SKAP1: variants seen among roughly 807,000 people sequenced by gnomAD.
The protein encoded by SKAP1 is src kinase associated phosphoprotein 1, also known as src kinase-associated phosphoprotein 1.
Under a neutral mutation model 58.5 loss-of-function variants are expected in SKAP1, and 44 were observed. The ratio of observed to expected loss-of-function variants is 0.75; its 90% CI spans 0.59 to 0.97. The LOEUF (loss-of-function observed/expected upper bound fraction) is 0.97. SKAP1 is among the 50% of genes least tolerant of loss of function. The pLI, the probability that SKAP1 is intolerant of heterozygous loss-of-function variation, is 0.00. For missense variants in SKAP1, 390 were observed against 435.2 expected, an observed-to-expected ratio of 0.90 and a Z score of 0.92; for synonymous variants, 127 against 149.7, an observed-to-expected ratio of 0.85 and a Z score of 1.11.
intron 2 of SKAP1, among the ~76,000 whole-genome samples, chr17:48,366,435 T>C (rs1378831906): frequency 1.5e-5 from 2 of 137,858 alleles, no homozygotes; most frequent in South Asian, 2.2e-4. Flanking sequence ...ACATCTGCAG[T>C]AGCAAAGGGG....
intron 9 of SKAP1, among the ~76,000 whole-genome samples, chr17:48,173,381 G>C (rs567036140): frequency 4.6e-4 from 70 of 152,288 alleles, no homozygotes; most frequent in African/African-American, 1.5e-3. Flanking sequence ...TAAGCTAATG[G>C]AGGAGTGAAA....
chr17:48,288,157 G>T (rs2065855554), intron 4 of SKAP1, among the ~76,000 whole-genome samples: 1 of 152,134 alleles, frequency 6.6e-6, no homozygotes, highest in African/African-American at 2.4e-5. Context: ...TCATGGGAGA[G>T]TTTAAGACAA....
At chr17:48,202,365 G>A (rs1479612785) in intron 4 of SKAP1, among the ~76,000 whole-genome samples, 1 of 152,016 alleles carries the variant, frequency 6.6e-6, no homozygotes, top group African/African-American at 2.4e-5. Flanking sequence ...TTAGCAATGT[G>A]GCTTTGACCT....
chr17:48,397,716 C>G (rs898067510), intron 1 of SKAP1, among the ~76,000 whole-genome samples: 1 of 152,048 alleles, frequency 6.6e-6, no homozygotes, highest in Non-Finnish European at 1.5e-5. Context: ...ATGAAAATGA[C>G]AATACAACCA....
At chr17:48,340,215 G>A (rs1050961204) in intron 4 of SKAP1, among the ~76,000 whole-genome samples, 5 of 152,062 alleles carry the variant, frequency 3.3e-5, no homozygotes, top group East Asian at 1.9e-4. Flanking sequence ...AAAGTCTATC[G>A]AGGGTGCTGT....
chr17:48,356,444 T>C (rs1421807020), intron 3 of SKAP1, among the ~76,000 whole-genome samples: 2 of 152,184 alleles, frequency 1.3e-5, no homozygotes, highest in Non-Finnish European at 2.9e-5. Flanking sequence ...CTTCAAATGT[T>C]ACAGGAAGGC....
chr17:48,144,200 C>G (rs1395767057), intron 11 of SKAP1, among the ~76,000 whole-genome samples: 1 of 152,150 alleles, frequency 6.6e-6, no homozygotes, highest in African/African-American at 2.4e-5. Context: ...ATCAAAGCAC[C>G]TACAGGTCCC....
intron 4 of SKAP1, among the ~76,000 whole-genome samples, chr17:48,271,189 C>T (rs2065627681): frequency 6.6e-6 from 1 of 151,994 alleles, no homozygotes; most frequent in Non-Finnish European, 1.5e-5. Context: ...ATTACATACA[C>T]TTTTTTAGGC....
At chr17:48,222,441 T>C (rs552085691) in intron 4 of SKAP1, among the ~76,000 whole-genome samples, 1 of 152,174 alleles carries the variant, frequency 6.6e-6, no homozygotes, top group South Asian at 2.1e-4. Context: ...AGCTGAAAAA[T>C]GTACATAGCT....
chr17:48,269,628 T>C (rs1028661016), intron 4 of SKAP1, among the ~76,000 whole-genome samples: 5 of 79,700 alleles, frequency 6.3e-5, no homozygotes, highest in African/African-American at 1.0e-4. Flanking sequence ...AAATATGTTC[T>C]GAAGGATAGT....
At chr17:48,240,241 A>G (rs1418345347) in intron 4 of SKAP1, among the ~76,000 whole-genome samples, 2 of 152,152 alleles carry the variant, frequency 1.3e-5, no homozygotes, top group African/African-American at 4.8e-5. Flanking sequence ...GAAAAACAAG[A>G]GCAGCCAGTG....
At chr17:48,439,681 C>T in the SKAP1 span, among the ~76,000 whole-genome samples, 5 of 152,196 alleles carry the variant, frequency 3.3e-5, no homozygotes, top group Non-Finnish European at 7.3e-5. Context: ...CAGCACAATT[C>T]ATGCAGCTAC....
intron 4 of SKAP1, among the ~76,000 whole-genome samples, chr17:48,312,478 G>A (rs1375536412): frequency 6.6e-6 from 1 of 152,162 alleles, no homozygotes; most frequent in Non-Finnish European, 1.5e-5. Flanking sequence ...CTCAGCAAGG[G>A]TTTCTATAAC....
upstream of SKAP1, among the ~76,000 whole-genome samples, chr17:48,433,738 A>C (rs1464073177): frequency 6.6e-6 from 1 of 152,226 alleles, no homozygotes; most frequent in Non-Finnish European, 1.5e-5. Flanking sequence ...CAACATGCAG[A>C]AAACACACCG....
rs139595356 is a variant in SKAP1, at chr17:48,211,672, C to T, written c.281-22172G>A. Among the ~76,000 whole-genome samples the T allele has an allele frequency of 3.4e-3, 519 of 152,286 alleles. 4 individuals carry two copies. Among genetic ancestry groups the T allele is most frequent in the African/African-American group, 0.012 (484 of 41,544 alleles). ...AAGCTCCTGGTAATCTCTCATTTAT[C>T]CATAAATTCATTTATCCAGGCTGAG... On this transcript the variant is annotated intron_variant, in intron 4 of 12. Transcript: ENST00000336915.
chr17:48,266,184 A>G (rs1354104596), intron 4 of SKAP1, among the ~76,000 whole-genome samples: 1 of 152,140 alleles, frequency 6.6e-6, no homozygotes, highest in East Asian at 1.9e-4. Flanking sequence ...AGTCTATTCA[A>G]CTGAAGTATT....
intron 4 of SKAP1, among the ~76,000 whole-genome samples, chr17:48,207,555 C>T (rs938267721): frequency 1.3e-5 from 2 of 150,858 alleles, no homozygotes; most frequent in Admixed American, 6.6e-5. Flanking sequence ...CTTAAGAATA[C>T]TTTAATAATC....
intron 4 of SKAP1, among the ~76,000 whole-genome samples, chr17:48,199,258 T>A (rs2064692022): frequency 6.6e-6 from 1 of 152,228 alleles, no homozygotes; most frequent in Non-Finnish European, 1.5e-5. Context: ...GGTTTTTTAT[T>A]ACCTACAGGA....
intron 4 of SKAP1, among the ~76,000 whole-genome samples, chr17:48,331,537 T>C (rs77330473): frequency 1.5e-3 from 223 of 151,862 alleles, no homozygotes; most frequent in African/African-American, 5.2e-3. Context: ...CCGTCTCTAC[T>C]AAAAATACAA....
Sources: gnomAD v4.1 joint callset for allele counts (sites outside exome capture counted in the v4.1 genomes callset) on GRCh38, gnomAD v4.1.1 for gene constraint, MANE v1.5 for transcripts, NCBI Gene and HGNC (gene_info 2026-07-23, HGNC 2026-07-21) for gene names.